BMPER: variants seen among roughly 807,000 people sequenced by gnomAD.
BMPER encodes the protein BMP-binding endothelial regulator protein.
BMPER carries 45 observed loss-of-function variants against 87.3 expected under a neutral mutation model. That is an observed-to-expected ratio of 0.52 (90% CI 0.41 to 0.66). The LOEUF is 0.66. Ranked by LOEUF, BMPER falls within the 30% of genes least tolerant of loss-of-function variation. BMPER has a pLI of 0.00. For missense variants in BMPER, 784 were observed against 867.5 expected (o/e 0.90, Z 1.21); for synonymous variants, 326 against 316.2 (o/e 1.03, Z -0.33).
intron 13 of BMPER, among the ~76,000 whole-genome samples, chr7:34,119,456 G>A (rs1345980055): frequency 6.6e-6 from 1 of 152,102 alleles, no homozygotes; most frequent in Non-Finnish European, 1.5e-5. Flanking sequence ...ACTTCTAGTG[G>A]TTGAAAACAT....
chr7:34,120,470 C>A (rs779649097), intron 13 of BMPER, among the ~76,000 whole-genome samples: 19 of 151,570 alleles, frequency 1.3e-4, no homozygotes, highest in Non-Finnish European at 2.7e-4. Flanking sequence ...ACAATCTTGG[C>A]TCACCGCAAG....
At chr7:34,070,681 C>T (rs1349105210) in intron 11 of BMPER, among the ~76,000 whole-genome samples, 2 of 152,146 alleles carry the variant, frequency 1.3e-5, no homozygotes, top group Admixed American at 1.3e-4. Flanking sequence ...ATTAAATACA[C>T]TCAGGAAATG....
intron 9 of BMPER, among the ~76,000 whole-genome samples, 153 bp downstream of exon 9, chr7:34,055,456 C>T (rs144088292): frequency 9.2e-5 from 14 of 152,238 alleles, no homozygotes; most frequent in African/African-American, 3.4e-4. Flanking sequence ...ATTTATATTA[C>T]AGTATTATAT....
intron 6 of BMPER, among the ~76,000 whole-genome samples, chr7:34,021,015 C>T (rs1202061724): frequency 6.6e-6 from 1 of 150,692 alleles, no homozygotes; most frequent in African/African-American, 2.5e-5. Flanking sequence ...TTTATAAATA[C>T]TCACAACTGA....
At chr7:34,143,630 C>G (rs541984561) in intron 14 of BMPER, among the ~76,000 whole-genome samples, 1 of 152,220 alleles carries the variant, frequency 6.6e-6, no homozygotes, top group African/African-American at 2.4e-5. Context: ...TGACCTCAAA[C>G]TACCAGCTGG....
rs186335671 is a variant in BMPER at position 34,032,474 on chromosome 7, G to A, written c.577-13832G>A. Among the ~76,000 whole-genome samples the A allele has an allele frequency of 4.9e-3, 749 of 151,788 alleles. 18 individuals are homozygous for A. Among genetic ancestry groups the A allele is most frequent in the Admixed American group, 0.043 (650 of 15,246 alleles). ...ATGGATATTGTTATTTCTACAAATC[G>A]AATGATAGAGAAGATTTGGAGTCTT... On this transcript the variant is annotated intron_variant, in intron 6 of 14. Transcript: ENST00000649409.
intron 13 of BMPER, among the ~76,000 whole-genome samples, chr7:34,097,617 GGGGC>G (rs1789564260): frequency 1.3e-5 from 2 of 152,102 alleles, no homozygotes; most frequent in Non-Finnish European, 2.9e-5. Flanking sequence ...GGGTCTAGGT[GGGGC>G]TTGAAAATTT....
chr7:34,043,990 A>T (rs966502312), intron 6 of BMPER, among the ~76,000 whole-genome samples: 2 of 152,250 alleles, frequency 1.3e-5, no homozygotes, highest in Non-Finnish European at 2.9e-5. Flanking sequence ...TCTTAGAAGC[A>T]GGTTGTGAGC....
chr7:34,117,841 G>A (rs17752637), intron 13 of BMPER, among the ~76,000 whole-genome samples: 25,121 of 152,124 alleles, frequency 0.17, 2,320 homozygotes, highest in Non-Finnish European at 0.2. Context: ...ATAAGCGCAG[G>A]CCATCCTAAG....
At chr7:33,981,941 T>C (rs959012929) in intron 6 of BMPER, among the ~76,000 whole-genome samples, 5 of 152,194 alleles carry the variant, frequency 3.3e-5, no homozygotes, top group Non-Finnish European at 5.9e-5. Context: ...GAAGCTGTGG[T>C]GGCAGGAAGC....
intron 3 of BMPER, among the ~76,000 whole-genome samples, chr7:33,964,996 G>A (rs1785369273): frequency 6.6e-6 from 1 of 152,106 alleles, no homozygotes; most frequent in South Asian, 2.1e-4. Flanking sequence ...ACATGCACAT[G>A]GCACGTCTCT....
chr7:34,103,554 A>T (rs1789740946), intron 13 of BMPER, among the ~76,000 whole-genome samples: 1 of 152,158 alleles, frequency 6.6e-6, no homozygotes, highest in Non-Finnish European at 1.5e-5. Flanking sequence ...TGACTCCCCT[A>T]GCATCGTATG....
chr7:33,969,642 G>A (rs900730283), intron 4 of BMPER, among the ~76,000 whole-genome samples: 1 of 152,250 alleles, frequency 6.6e-6, no homozygotes, highest in South Asian at 2.1e-4. Flanking sequence ...TTCGTGATCC[G>A]CCCGCCTCAG....
rs190922657 is a variant in BMPER at position 33,944,428 on chromosome 7, A to T, written c.319+7040A>T. ...GTGATCCACCTGCGTTGGCCTCCCA[A>T]AGTGCTGGGATTACAGGCATGAGCC... On this transcript the variant is annotated intron_variant, in intron 3 of 14. Transcript: ENST00000649409. Among the ~76,000 whole-genome samples, 19 of 152,302 alleles carry T rather than the reference A, an allele frequency of 1.2e-4. No individual in the cohort carries two copies. The South Asian group carries it at 3.9e-3, about 32-fold the overall frequency.
intron 9 of BMPER, among the ~76,000 whole-genome samples, chr7:34,055,909 G>A (rs1788271870): frequency 6.6e-6 from 1 of 152,216 alleles, no homozygotes; most frequent in Non-Finnish European, 1.5e-5. Context: ...ACTTCAAAAT[G>A]CAAGATGGTT....
At chr7:33,983,810 C>T (rs575554083) in intron 6 of BMPER, among the ~76,000 whole-genome samples, 4 of 152,166 alleles carry the variant, frequency 2.6e-5, no homozygotes, top group South Asian at 2.1e-4. Flanking sequence ...GAGTGAAGAA[C>T]GACCAGCCAT....
chr7:33,936,278 C>A (rs1412726243), intron 2 of BMPER, among the ~76,000 whole-genome samples: 3 of 152,194 alleles, frequency 2.0e-5, no homozygotes, highest in East Asian at 3.9e-4. Flanking sequence ...CCTCTCCAAC[C>A]TGCCCCGAGA....
Position 34,105,648 on chromosome 7 carries a change from C to T in BMPER, c.1745+19556C>T, listed in dbSNP as rs555073566. ...AGTTAGTCCCTTTATGACTAAGAGA[C>T]AGTTTAATGTACAAGTGTATATTTA... On this transcript the variant is annotated intron_variant, in intron 13 of 14. Coordinates refer to ENST00000649409, the MANE Select transcript of BMPER (RefSeq NM_001365308.1). 2.0e-5 allele frequency among the ~76,000 whole-genome samples: 3 copies of T among 152,310 alleles called. No homozygotes were observed. In the East Asian group the frequency reaches 5.8e-4, roughly 29 times the overall value.
intron 6 of BMPER, among the ~76,000 whole-genome samples, chr7:33,999,455 T>C (rs970339627): frequency 6.6e-6 from 1 of 152,266 alleles, no homozygotes; most frequent in African/African-American, 2.4e-5. Context: ...AATTTTTGTA[T>C]GTTCAAATTT....
Sources: gnomAD v4.1 joint callset for allele counts (sites outside exome capture counted in the v4.1 genomes callset) on GRCh38, gnomAD v4.1.1 for gene constraint, MANE v1.5 for transcripts, NCBI Gene and HGNC (gene_info 2026-07-23, HGNC 2026-07-21) for gene names.